Variants in GPC6 observed in about 807,000 individuals in gnomAD.
GPC6 encodes the protein glypican 6, also known as glypican-6.
Under a neutral mutation model 55.2 loss-of-function variants are expected in GPC6, and 14 were observed. That is an observed-to-expected ratio of 0.25 (90% CI 0.17 to 0.40). The LOEUF (loss-of-function observed/expected upper bound fraction) is 0.40. Among genes scored for constraint, GPC6 ranks in the 10% least tolerant of loss-of-function variants. The pLI, the probability that GPC6 is intolerant of heterozygous loss-of-function variation, is 1.00. For synonymous variants in GPC6, 278 were observed against 259.6 expected, an observed-to-expected ratio of 1.07 and a Z score of -0.68; for missense variants, 641 against 708.5, an observed-to-expected ratio of 0.90 and a Z score of 1.08.
In GPC6 at chr13:93,227,422, G is replaced by T; in HGVS notation, c.-35G>T. On this transcript the variant is annotated 5_prime_UTR_variant, in exon 1 of 9. Coordinates refer to ENST00000377047, the MANE Select transcript of GPC6 (RefSeq NM_005708.5). The surrounding 1 kb of genome is among the most constrained non-coding windows in gnomAD (Gnocchi z 4.3). Reference sequence around the variant, plus strand: ...GGGCAAGGTGAAGAGCGCACCGGCCGTGGGGTTTACCGAGCTGGATTTGTA... The same window carrying T: ...GGGCAAGGTGAAGAGCGCACCGGCCTTGGGGTTTACCGAGCTGGATTTGTA... 1.2e-6 allele frequency: 2 copies of T among 1,610,360 alleles called. No homozygotes were observed. The highest frequency in any genetic ancestry group is 1.1e-5 in the South Asian group (1 of 90,888).
chr13:93,863,694 T>C (rs909691247), intron 3 of GPC6, among the ~76,000 whole-genome samples: 1 of 151,672 alleles, frequency 6.6e-6, no homozygotes, highest in African/African-American at 2.4e-5. Flanking sequence ...TAGTTTACCC[T>C]GATGTAAATT....
intron 2 of GPC6, among the ~76,000 whole-genome samples, chr13:93,800,015 T>C (rs1217392906): frequency 7.2e-5 from 5 of 69,020 alleles, no homozygotes; most frequent in African/African-American, 3.8e-4. Flanking sequence ...GGAGCTTACA[T>C]TTCTGATACC....
chr13:93,774,817 T>C (rs1490949926), intron 2 of GPC6, among the ~76,000 whole-genome samples: 1 of 152,072 alleles, frequency 6.6e-6, no homozygotes, highest in Non-Finnish European at 1.5e-5. Context: ...AGACCATCAA[T>C]TGGTTTAAAA....
intron 1 of GPC6, among the ~76,000 whole-genome samples, chr13:93,506,096 G>C (rs191665020): frequency 3.3e-5 from 5 of 152,284 alleles, no homozygotes; most frequent in African/African-American, 1.2e-4. Context: ...CATTTCTTCA[G>C]ATAGGAGAAA....
At chr13:93,698,759 A>G (rs903572882) in intron 2 of GPC6, among the ~76,000 whole-genome samples, 1 of 151,778 alleles carries the variant, frequency 6.6e-6, no homozygotes, top group African/African-American at 2.4e-5. Flanking sequence ...AAACCAATGT[A>G]TTTGGCTTTC....
At chr13:94,231,403 C>T (rs1239552485) in intron 4 of GPC6, among the ~76,000 whole-genome samples, 1 of 152,172 alleles carries the variant, frequency 6.6e-6, no homozygotes, top group African/African-American at 2.4e-5. Flanking sequence ...AGTTCAGAAA[C>T]ATTTGGCAGT....
chr13:93,822,032 T>TAA (rs869215514), intron 2 of GPC6, among the ~76,000 whole-genome samples: 1 of 106,090 alleles, frequency 9.4e-6, no homozygotes, highest in Non-Finnish European at 1.9e-5. Flanking sequence ...ATACATAATA[T>TAA]GTATACACAT....
At chr13:94,114,929 G>A (rs1332183524) in intron 4 of GPC6, among the ~76,000 whole-genome samples, 2 of 152,054 alleles carry the variant, frequency 1.3e-5, no homozygotes, top group Non-Finnish European at 2.9e-5. Flanking sequence ...GGCTGACTCA[G>A]AGTCAAAAAG....
chr13:93,559,193 C>A (rs942689698), intron 2 of GPC6, among the ~76,000 whole-genome samples: 1 of 152,126 alleles, frequency 6.6e-6, no homozygotes, highest in African/African-American at 2.4e-5. Flanking sequence ...TCTCAGAAGG[C>A]CGTGCTGTGT....
In GPC6 at chr13:93,612,110, A is replaced by G. The variant is rs569964213; in HGVS notation, c.319+66689A>G. 2.0e-5 allele frequency among the ~76,000 whole-genome samples: 3 copies of G among 152,328 alleles called. No homozygotes were observed. The South Asian group carries it at 6.2e-4, about 32-fold the overall frequency. On this transcript the variant is annotated intron_variant, in intron 2 of 8. Transcript: ENST00000377047. ...TTTATTGTAATTACATGCAAAATAT[A>G]TAATACCTCCCAAAAAATAAATGAT...
chr13:93,754,913 T>G (rs1884720011), intron 2 of GPC6, among the ~76,000 whole-genome samples: 2 of 152,274 alleles, frequency 1.3e-5, no homozygotes, highest in South Asian at 4.1e-4. Context: ...AACTCCTGAG[T>G]TAATCCCAAG....
intron 2 of GPC6, among the ~76,000 whole-genome samples, chr13:93,578,755 G>C (rs965418482): frequency 6.6e-6 from 1 of 150,430 alleles, no homozygotes; most frequent in African/African-American, 2.4e-5. Flanking sequence ...GCTTTAATGG[G>C]TTCCTTGAGG....
chr13:93,821,747 C>G (rs570605315), intron 2 of GPC6, among the ~76,000 whole-genome samples: 79 of 152,224 alleles, frequency 5.2e-4, no homozygotes, highest in African/African-American at 1.9e-3. Flanking sequence ...GTTTCTCTAA[C>G]TTGTCTTTCC....
At chr13:93,315,544 A>G (rs1277840109) in intron 1 of GPC6, among the ~76,000 whole-genome samples, 2 of 151,862 alleles carry the variant, frequency 1.3e-5, no homozygotes, top group Admixed American at 6.6e-5. Flanking sequence ...ATGATTAACT[A>G]TTTTTTTGAC....
chr13:94,274,648 A>C (rs1018530655), intron 4 of GPC6, among the ~76,000 whole-genome samples: 2 of 152,214 alleles, frequency 1.3e-5, no homozygotes, highest in African/African-American at 4.8e-5. Flanking sequence ...AGAAACAAAA[A>C]TGACATTCAT....
chr13:93,316,418 T>G (rs1191892499), intron 1 of GPC6, among the ~76,000 whole-genome samples: 2 of 152,076 alleles, frequency 1.3e-5, no homozygotes. Context: ...ATGTCCAATA[T>G]TTCCTTAATT....
chr13:94,375,655 T>C (rs1367171337), intron 6 of GPC6, among the ~76,000 whole-genome samples: 1 of 144,890 alleles, frequency 6.9e-6, no homozygotes, highest in Non-Finnish European at 1.5e-5. Context: ...CTGAAACTAT[T>C]CCAATCAATA....
rs560323717 is a variant in GPC6 at position 93,882,443 on chromosome 13, G to A, written c.711+51898G>A. On this transcript the variant is annotated intron_variant, in intron 3 of 8. Coordinates refer to ENST00000377047, the MANE Select transcript of GPC6 (RefSeq NM_005708.5). ...TAAAGGAGTGAGCCACCGTGCCTGG[G>A]CAGTTTTCCAAAGTTTAAGTCACCT... is the stretch of plus-strand genomic sequence containing the variant. Among the ~76,000 whole-genome samples, 255 of 152,054 alleles carry A rather than the reference G, an allele frequency of 1.7e-3. 2 individuals are homozygous for A. Among genetic ancestry groups the A allele is most frequent in the African/African-American group, 5.6e-3 (231 of 41,490 alleles).
At chr13:94,340,443 T>C (rs542555790) in intron 6 of GPC6, among the ~76,000 whole-genome samples, 1 of 152,308 alleles carries the variant, frequency 6.6e-6, no homozygotes, top group South Asian at 2.1e-4. Flanking sequence ...CACAGCTCTG[T>C]TTGTGCAAAT....
Sources: gnomAD v4.1 joint callset for allele counts (sites outside exome capture counted in the v4.1 genomes callset) on GRCh38, gnomAD v4.1.1 for gene constraint, Gnocchi (gnomAD v3.1) non-coding constraint, MANE v1.5 for transcripts, NCBI Gene and HGNC (gene_info 2026-07-23, HGNC 2026-07-21) for gene names.